SLC5A4: variants seen among roughly 807,000 people sequenced by gnomAD.
SLC5A4 encodes probable glucose sensor protein SLC5A4.
A neutral mutation model predicts 70.3 loss-of-function variants in SLC5A4; 55 were observed. The ratio of observed to expected loss-of-function variants is 0.78; its 90% CI spans 0.63 to 0.98. The LOEUF (loss-of-function observed/expected upper bound fraction) is 0.98, where lower values mean the gene tolerates loss of function less well. Ranked by LOEUF, SLC5A4 falls within the 50% of genes least tolerant of loss-of-function variation. The probability of loss-of-function intolerance (pLI) is 0.00; values close to 1 mark genes in which losing one functional copy is unlikely to be tolerated. For missense variants in SLC5A4, 735 were observed against 839.2 expected (o/e 0.88, Z 1.53); for synonymous variants, 268 against 305.7 (o/e 0.88, Z 1.29).
the SLC5A4 span, among the ~76,000 whole-genome samples, chr22:32,329,128 CT>C: frequency 6.6e-6 from 1 of 152,238 alleles, no homozygotes; most frequent in Admixed American, 6.5e-5. Context: ...CTTTCATCCC[CT>C]TTTCTGCTTT....
chr22:32,275,989 G>A, the SLC5A4 span, among the ~76,000 whole-genome samples: 19 of 152,250 alleles, frequency 1.2e-4, no homozygotes, highest in African/African-American at 4.1e-4. Flanking sequence ...ATTTTTTCAC[G>A]TGTCTTTTGG....
At chr22:32,259,178 T>C (rs1185470040), upstream of SLC5A4, among the ~76,000 whole-genome samples, 1 of 152,232 alleles carries the variant, frequency 6.6e-6, no homozygotes, top group East Asian at 1.9e-4. Flanking sequence ...TTAAGTACTG[T>C]TTTGTACACT....
At chr22:32,230,119 A>C (rs1925660610) in intron 10 of SLC5A4, among the ~76,000 whole-genome samples, 1 of 152,110 alleles carries the variant, frequency 6.6e-6, no homozygotes, top group African/African-American at 2.4e-5. Context: ...CCTAGGACAG[A>C]GTGTGTGTGG....
the SLC5A4 span, among the ~76,000 whole-genome samples, chr22:32,282,899 G>T: frequency 1.3e-5 from 2 of 152,156 alleles, no homozygotes; most frequent in African/African-American, 2.4e-5. Context: ...ACCCGGCCCC[G>T]TTTCCATCCT....
the SLC5A4 span, among the ~76,000 whole-genome samples, chr22:32,302,250 G>GT: frequency 8.9e-3 from 949 of 107,216 alleles, 5 homozygotes; most frequent in African/African-American, 0.022. Flanking sequence ...ACTTTTGAGT[G>GT]TTTTTTTTTT....
chr22:32,231,724 G>C (rs1183051418), intron 9 of SLC5A4, among the ~76,000 whole-genome samples: 1 of 152,082 alleles, frequency 6.6e-6, no homozygotes, highest in Non-Finnish European at 1.5e-5. Context: ...GTAAAACTAT[G>C]ATAGTTGTTG....
the SLC5A4 span, among the ~76,000 whole-genome samples, chr22:32,317,114 T>G: frequency 6.6e-6 from 1 of 151,996 alleles, no homozygotes; most frequent in Non-Finnish European, 1.5e-5. Flanking sequence ...ATACTAATAA[T>G]GAAACCACAG....
the SLC5A4 span, among the ~76,000 whole-genome samples, chr22:32,298,035 C>G: frequency 4.2e-5 from 4 of 95,746 alleles, no homozygotes; most frequent in Non-Finnish European, 8.7e-5. Flanking sequence ...GTTATAATTT[C>G]TGTTCTTTTA....
chr22:32,272,282 A>G, the SLC5A4 span: 1 of 804,100 alleles, frequency 1.2e-6, no homozygotes, highest in East Asian at 2.4e-5. Flanking sequence ...ACAAGTTCAG[A>G]GTCCTTTACG....
the SLC5A4 span, among the ~76,000 whole-genome samples, chr22:32,336,681 C>A: frequency 6.6e-6 from 1 of 152,246 alleles, no homozygotes; most frequent in Non-Finnish European, 1.5e-5. Flanking sequence ...TGTGTTAGGT[C>A]TAGTTCATTC....
chr22:32,321,759 G>A, the SLC5A4 span, among the ~76,000 whole-genome samples: 83 of 152,238 alleles, frequency 5.5e-4, no homozygotes, highest in East Asian at 0.014. Context: ...AAGAATAATG[G>A]CTTCCAGCTC....
chr22:32,272,566 G>A, the SLC5A4 span: 1 of 638,972 alleles, frequency 1.6e-6, no homozygotes, highest in Non-Finnish European at 2.9e-6. Context: ...GAGGTGTACA[G>A]CGTGGACTTC....
the SLC5A4 span, among the ~76,000 whole-genome samples, chr22:32,320,643 C>G: frequency 6.6e-6 from 1 of 152,128 alleles, no homozygotes. Flanking sequence ...AGCCCTCTGC[C>G]CTGAACCTTA....
chr22:32,352,559 G>T, the SLC5A4 span, among the ~76,000 whole-genome samples: 8 of 152,144 alleles, frequency 5.3e-5, no homozygotes, highest in Non-Finnish European at 1.2e-4. Flanking sequence ...AGATTCTGCA[G>T]GAGATGCGGG....
At chr22:32,259,934 T>C (rs560460332), upstream of SLC5A4, among the ~76,000 whole-genome samples, 84 of 152,230 alleles carry the variant, frequency 5.5e-4, 2 homozygotes, top group African/African-American at 1.9e-3. Context: ...GGTGGGATGA[T>C]TGTGGGTACA....
chr22:32,330,305 TGG>T, the SLC5A4 span, among the ~76,000 whole-genome samples: 25 of 12,814 alleles, frequency 2.0e-3, no homozygotes, highest in African/African-American at 8.5e-3. Context: ...GGGGCTCTGT[TGG>T]GGGCTCTGGT....
chr22:32,252,545 C>T (rs1322092095), intron 2 of SLC5A4, among the ~76,000 whole-genome samples: 8 of 152,100 alleles, frequency 5.3e-5, no homozygotes, highest in Admixed American at 1.3e-4. Flanking sequence ...CCTACAACAG[C>T]GGGGTTCTGT....
At chr22:32,289,510 G>A in the SLC5A4 span, among the ~76,000 whole-genome samples, 6 of 152,120 alleles carry the variant, frequency 3.9e-5, no homozygotes, top group Non-Finnish European at 7.4e-5. Context: ...CATTTGAGAC[G>A]GAGTTTCGCT....
At chr22:32,302,766 C>G in the SLC5A4 span, among the ~76,000 whole-genome samples, 3 of 152,190 alleles carry the variant, frequency 2.0e-5, no homozygotes, top group African/African-American at 7.2e-5. Flanking sequence ...ACCCCCATTT[C>G]TCCCACTTTA....
Sources: gnomAD v4.1 joint callset for allele counts (sites outside exome capture counted in the v4.1 genomes callset) on GRCh38, gnomAD v4.1.1 for gene constraint, MANE v1.5 for transcripts, NCBI Gene and HGNC (gene_info 2026-07-23, HGNC 2026-07-21) for gene names.